DICER1: variants seen among roughly 807,000 people sequenced by gnomAD.
DICER1 encodes the protein endoribonuclease Dicer.
DICER1 carries 43 observed loss-of-function variants against 194.1 expected under a neutral mutation model. That is an observed-to-expected ratio of 0.22 (90% CI 0.17 to 0.29). DICER1 has a LOEUF of 0.29. Ranked by LOEUF, DICER1 falls within the 10% of genes least tolerant of loss-of-function variation. The pLI, the probability that DICER1 is intolerant of heterozygous loss-of-function variation, is 1.00. For synonymous variants in DICER1, 832 were observed against 820.5 expected (o/e 1.01, Z -0.24); for missense variants, 1,608 against 2,317.0 (o/e 0.69, Z 6.28).
Position 95,126,822 on chromosome 14 carries a change from C to T in DICER1, c.735-74G>A, listed in dbSNP as rs79285101. The T allele has an allele frequency of 1.4e-5, 5 of 348,792 alleles. No homozygotes were observed. In the African/African-American group the frequency reaches 2.3e-4, roughly 16 times the overall value. 21.6% of individuals were successfully genotyped at this position (348,792 alleles called of 1,614,324 possible). On this transcript the variant is annotated intron_variant, in intron 6 of 26. Coordinates refer to ENST00000343455, the MANE Select transcript of DICER1 (RefSeq NM_177438.3). ...AATTTAAAAAAAGTTTTTCAAAAAG[C>T]AAAAAAAAAAAAAAGGGAATAGATA...
In DICER1 at chr14:95,088,642, C is replaced by CA. The variant is rs1323170223; in HGVS notation, c.*1855dup. The CA allele has an allele frequency of 1.3e-5, 3 of 232,382 alleles. No individual in the cohort carries two copies. Among genetic ancestry groups the CA allele is most frequent in the Non-Finnish European group, 8.5e-6 (1 of 117,634 alleles). 14.4% of individuals were successfully genotyped at this position (232,382 alleles called of 1,614,324 possible). A position where few individuals can be genotyped will look rare whatever the true frequency, so the allele number is the denominator to read the frequency against. On this transcript the variant is annotated 3_prime_UTR_variant, in exon 27 of 27. Coordinates refer to ENST00000343455, the MANE Select transcript of DICER1 (RefSeq NM_177438.3). Reference sequence around the variant, plus strand: ...TTTAAAACAAGTCACCTAATTTGCTCAAAAACTCGTTTAATAATTTAGATC... The same window carrying CA: ...TTTAAAACAAGTCACCTAATTTGCTCAAAAAACTCGTTTAATAATTTAGATC...
At chr14:95,139,209 G>C (rs1313636321) in intron 1 of DICER1, among the ~76,000 whole-genome samples, 1 of 152,174 alleles carries the variant, frequency 6.6e-6, no homozygotes, top group Non-Finnish European at 1.5e-5. Flanking sequence ...TTGGGGTATA[G>C]TCTTAATCCA....
In DICER1 at chr14:95,103,390, G is replaced by A. The variant is rs1595363819; in HGVS notation, c.4006C>T (p.Pro1336Ser). Residue 1336 changes from proline (P) to serine (S), a missense_variant, in exon 21 of 27, where the codon CCT becomes TCT. Pro to Ser is a moderately conservative substitution (Grantham distance 74). Transcript: ENST00000343455. Reference sequence around the variant, plus strand: ...GAAAGGCGGCCCTCATGCGCATCAGGGTAAGTGCAAAATAGATATGTGGTG... The same window carrying A: ...GAAAGGCGGCCCTCATGCGCATCAGAGTAAGTGCAAAATAGATATGTGGTG... ...AITTYLFCTYPDAHEGRLSYM... is the reference protein window; with the variant it reads ...AITTYLFCTYSDAHEGRLSYM... The A allele has an allele frequency of 6.2e-7, 1 of 1,614,182 alleles. No individual in the cohort carries two copies. The highest frequency in any genetic ancestry group is 8.5e-7 in the Non-Finnish European group (1 of 1,180,030).
At position 95,124,380 on chromosome 14, in the gene DICER1, C is replaced by T. The variant is rs1404281132; in HGVS notation, c.1192G>A (p.Val398Ile). The T allele has an allele frequency of 5.0e-6, 8 of 1,614,016 alleles. No individual in the cohort carries two copies. Among genetic ancestry groups the T allele is most frequent in the Admixed American group, 1.7e-5 (1 of 60,008 alleles). ...KPYERQQFESVEWYNNRNQDN... is the reference protein window; with the variant it reads ...KPYERQQFESIEWYNNRNQDN... ...TGATTTCTATTATTATACCACTCAA[C>T]GCTTTCAAACTGCTGTCGCTCATAT... Residue 398 changes from valine (V) to isoleucine (I), a missense_variant, in exon 8 of 27, where the codon GTT becomes ATT. This residue lies in a region of DICER1 where 657 missense variants were observed against 910.1 expected (regional missense o/e 0.72). Transcript: ENST00000343455. This position sits in a 1 kb window ranked among gnomAD's most constrained non-coding sequence, Gnocchi z 4.5.
Position 95,130,043 on chromosome 14 carries a change from A to G in DICER1, c.573+15T>C, listed in dbSNP as rs201489168. The G allele has an allele frequency of 6.8e-6, 11 of 1,611,788 alleles. No individual in the cohort carries two copies. Among genetic ancestry groups the G allele is most frequent in the East Asian group, 2.2e-5 (1 of 44,744 alleles). ...AGTTTACCAAGAATTACTAAGACTT[A>G]GGTCTAAAACTTACCTTCATAATTT... is the stretch of plus-strand genomic sequence containing the variant. On this transcript the variant is annotated intron_variant, in intron 5 of 26. Transcript: ENST00000343455.
Position 95,132,398 on chromosome 14 carries a change from T to A in DICER1, c.307+117A>T, listed in dbSNP as rs1193216241. The A allele has an allele frequency of 1.1e-5, 12 of 1,102,398 alleles. No homozygotes were observed. The South Asian group carries it at 1.5e-4, about 14-fold the overall frequency. The allele number at this position is 1,102,398 out of a possible 1,614,324, so 68.3% of individuals were successfully genotyped here. A position where few individuals can be genotyped will look rare whatever the true frequency, so the allele number is the denominator to read the frequency against. On this transcript the variant is annotated intron_variant, in intron 3 of 26. Coordinates refer to ENST00000343455, the MANE Select transcript of DICER1 (RefSeq NM_177438.3). Reference sequence around the variant, plus strand: ...TTTCTGCCAGAAGAGATTAAATGAGTACATTATCTGTCAAACTTTCTTCAA... The same window carrying A: ...TTTCTGCCAGAAGAGATTAAATGAGAACATTATCTGTCAAACTTTCTTCAA...
Position 95,113,228 on chromosome 14 carries a change from T to A in DICER1, c.1908-4A>T, listed in dbSNP as rs112284114. 7 of 1,613,598 alleles carry A rather than the reference T, an allele frequency of 4.3e-6. No individual in the cohort carries two copies. The South Asian group carries it at 7.7e-5, about 18-fold the overall frequency. On this transcript the variant is annotated splice_polypyrimidine_tract_variant and splice_region_variant and intron_variant, in intron 11 of 26. Transcript: ENST00000343455. Reference sequence around the variant, plus strand: ...ACTTGGTAATCTAGCACAGTATCTGTGAAGAAAAAGAAATTCTGAGGCTGA... The same window carrying A: ...ACTTGGTAATCTAGCACAGTATCTGAGAAGAAAAAGAAATTCTGAGGCTGA...
chr14:95,129,253 A>C, intron 6 of DICER1: 2 of 517,278 alleles, frequency 3.9e-6, no homozygotes, highest in East Asian at 3.1e-5. Flanking sequence ...TAATCTCTTA[A>C]GGCAGAAATG....
chr14:95,143,628 T>C (rs923082155), intron 1 of DICER1, among the ~76,000 whole-genome samples: 1 of 152,214 alleles, frequency 6.6e-6, no homozygotes, highest in Non-Finnish European at 1.5e-5. Flanking sequence ...ATGTAATGGA[T>C]TGTAACCATT....
In DICER1 at chr14:95,096,286, G is replaced by A; in HGVS notation, c.4634C>T (p.Ser1545Phe). ...ACACTGCTCAGTGTGCAAGTCGTAA[G>A]AAATGGACTGCTTTCCCGTGTCAAC... ...CGVDTGKQSI[S>F]YDLHTEQCIA... Residue 1545 changes from serine (S) to phenylalanine (F), a missense_variant, in exon 23 of 27, where the codon TCT (serine) becomes TTT (phenylalanine). Transcript: ENST00000343455. 1 of 1,614,224 alleles carries A rather than the reference G, an allele frequency of 6.2e-7. No individual in the cohort carries two copies.
In DICER1 at chr14:95,105,157, A is replaced by T; in HGVS notation, c.3183T>A (p.Leu1061=). The change falls in exon 20 of 27, where the codon CTT becomes CTA. Residue 1061 remains leucine (L), a synonymous_variant. Coordinates refer to ENST00000343455, the MANE Select transcript of DICER1 (RefSeq NM_177438.3). This position sits in a 1 kb window ranked among gnomAD's most constrained non-coding sequence, Gnocchi z 4.9. Reference sequence around the variant, plus strand: ...GCTCCTCTGCAGTCAAAAGGCAGTGAAGGCGATAAAGTATGCTGGGGAGAC... The same window carrying T: ...GCTCCTCTGCAGTCAAAAGGCAGTGTAGGCGATAAAGTATGCTGGGGAGAC... ...AVCLPSILYR[L]HCLLTAEELR... 6.2e-7 allele frequency: 1 copy of T among 1,614,226 alleles called. No homozygotes were observed. The highest frequency in any genetic ancestry group is 8.5e-7 in the Non-Finnish European group (1 of 1,180,030).
intron 10 of DICER1, 50 bp from the exon 11 acceptor site, chr14:95,115,871 G>A (rs767683105): frequency 1.3e-6 from 2 of 1,581,880 alleles, no homozygotes; most frequent in East Asian, 2.2e-5. Context: ...CCTCTCTGCT[G>A]TATGCTGTCT....
At chr14:95,129,843 T>C (rs887682906) in intron 5 of DICER1, among the ~76,000 whole-genome samples, 1 of 152,214 alleles carries the variant, frequency 6.6e-6, no homozygotes, top group Non-Finnish European at 1.5e-5. Flanking sequence ...AAGGCTCAAT[T>C]AGATACACTA....
At position 95,091,099 on chromosome 14, in the gene DICER1, A is replaced by T; in HGVS notation, c.5538T>A (p.Ser1846=). 6.2e-7 allele frequency: 1 copy of T among 1,614,162 alleles called. No individual in the cohort carries two copies. The highest frequency in any genetic ancestry group is 8.5e-7 in the Non-Finnish European group (1 of 1,180,022). Reference sequence around the variant, plus strand: ...GCACAGGGGAACGGGGTACATTTGCAGAAAACTTTTCTGCAATCAAAATGA... The same window carrying T: ...GCACAGGGGAACGGGGTACATTTGCTGAAAACTTTTCTGCAATCAAAATGA... ...PMMRPLIEKF[S]ANVPRSPVRE... Residue 1846 remains serine, a synonymous_variant, in exon 26 of 27, where the codon TCT becomes TCA. Coordinates refer to ENST00000343455, the MANE Select transcript of DICER1 (RefSeq NM_177438.3).
At chr14:95,098,579 T>C (rs1890573610) in intron 22 of DICER1, among the ~76,000 whole-genome samples, 2 of 152,032 alleles carry the variant, frequency 1.3e-5, no homozygotes, top group Admixed American at 6.5e-5. Context: ...GACATGCCAA[T>C]GTCACCTTCA....
rs2139984694 is a variant in DICER1, at chr14:95,105,054, T to A, written c.3269+17A>T. 4 of 1,612,842 alleles carry A rather than the reference T, an allele frequency of 2.5e-6. No individual in the cohort carries two copies. The highest frequency in any genetic ancestry group is 3.4e-6 in the Non-Finnish European group (4 of 1,179,354). ...TCTCATGATCTGTGTTCTTTCTGGC[T>A]GACTGCACAGGCATACCTAAAATCC... On this transcript the variant is annotated intron_variant, in intron 20 of 26. Coordinates refer to ENST00000343455, the MANE Select transcript of DICER1 (RefSeq NM_177438.3). This position sits in a 1 kb window ranked among gnomAD's most constrained non-coding sequence, Gnocchi z 4.9.
intron 1 of DICER1, among the ~76,000 whole-genome samples, chr14:95,147,993 G>A (rs560513090): frequency 1.3e-5 from 2 of 152,238 alleles, no homozygotes; most frequent in African/African-American, 4.8e-5. Context: ...GAGGCCAGCA[G>A]TTCGAGACCG....
chr14:95,090,211 T>C lies in DICER1; in HGVS notation c.*287A>G. 1 of 458,806 alleles carries C rather than the reference T, an allele frequency of 2.2e-6. No individual in the cohort carries two copies. Among genetic ancestry groups the C allele is most frequent in the East Asian group, 3.9e-5 (1 of 25,642 alleles). The allele number at this position is 458,806 out of a possible 1,614,324, so 28.4% of individuals were successfully genotyped here. On this transcript the variant is annotated 3_prime_UTR_variant, in exon 27 of 27. Transcript: ENST00000343455. ...AAAACCTGTCAATTATTTTGAGCAC[T>C]TGCTAAATGTCATCATTAAAGCACT...
At position 95,105,442 on chromosome 14, in the gene DICER1, A is replaced by G. The variant is rs1168459921; in HGVS notation, c.3094-196T>C. Among the ~76,000 whole-genome samples the G allele has an allele frequency of 6.6e-6, 1 of 152,248 alleles. No individual in the cohort carries two copies. The highest frequency in any genetic ancestry group is 1.5e-5 in the Non-Finnish European group (1 of 68,042). On this transcript the variant is annotated intron_variant, in intron 19 of 26. Transcript: ENST00000343455. This position sits in a 1 kb window ranked among gnomAD's most constrained non-coding sequence, Gnocchi z 4.9. ...ATTTATGAGAATGATTTTGTGATAT[A>G]TTAATGGGCCAAGTATAAAAACAAA...
Sources: gnomAD v4.1 joint callset for allele counts (sites outside exome capture counted in the v4.1 genomes callset) on GRCh38, gnomAD v4.1.1 for gene constraint, gnomAD v4.1.1 regional missense constraint, Gnocchi (gnomAD v3.1) non-coding constraint, MANE v1.5 for transcripts, NCBI Gene and HGNC (gene_info 2026-07-23, HGNC 2026-07-21) for gene names.